Variants in OCA2 observed in about 807,000 individuals in gnomAD.
OCA2 encodes the protein P protein.
A neutral mutation model predicts 100.2 loss-of-function variants in OCA2; 77 were observed. That is an observed-to-expected ratio of 0.77 (90% CI 0.64 to 0.93). OCA2 has a LOEUF of 0.93. OCA2 is among the 40% of genes least tolerant of loss of function. The pLI, the probability that OCA2 is intolerant of heterozygous loss-of-function variation, is 0.00. For synonymous variants in OCA2, 432 were observed against 439.2 expected (o/e 0.98, Z 0.21); for missense variants, 1,062 against 1,089.1 (o/e 0.98, Z 0.35).
intron 23 of OCA2, among the ~76,000 whole-genome samples, chr15:27,799,260 C>G: frequency 6.6e-6 from 1 of 152,228 alleles, no homozygotes; most frequent in East Asian, 1.9e-4. Context: ...AGGCACTGTT[C>G]TAGCCCTGGG....
chr15:27,802,792 A>G (rs995072684), intron 23 of OCA2, among the ~76,000 whole-genome samples: 2 of 152,208 alleles, frequency 1.3e-5, no homozygotes, highest in Non-Finnish European at 2.9e-5. Flanking sequence ...ACAGACCTCA[A>G]TGTAAAACCT....
At chr15:27,824,615 T>TATATATAC (rs1454164189) in intron 23 of OCA2, among the ~76,000 whole-genome samples, 1 of 128,624 alleles carries the variant, frequency 7.8e-6, no homozygotes, top group South Asian at 2.5e-4. Flanking sequence ...TATATATATA[T>TATATATAC]ATATATAATA....
At chr15:27,972,605 G>C (rs1269271287) in intron 14 of OCA2, among the ~76,000 whole-genome samples, 1 of 151,992 alleles carries the variant, frequency 6.6e-6, no homozygotes, top group Non-Finnish European at 1.5e-5. Context: ...CTGATGATTA[G>C]TGATGTTCAG....
intron 19 of OCA2, among the ~76,000 whole-genome samples, chr15:27,879,357 T>C (rs111415300): frequency 0.016 from 2,370 of 152,226 alleles, 56 homozygotes; most frequent in African/African-American, 0.05. Flanking sequence ...TTATATTCCT[T>C]TGGGTATATA....
the OCA2 span, among the ~76,000 whole-genome samples, chr15:27,749,773 A>G: frequency 1.3e-5 from 2 of 152,226 alleles, no homozygotes; most frequent in African/African-American, 2.4e-5. Flanking sequence ...TATAAATCTA[A>G]CAAAACTTGT....
chr15:27,806,588 C>T (rs368267804), intron 23 of OCA2, among the ~76,000 whole-genome samples: 13 of 152,228 alleles, frequency 8.5e-5, no homozygotes, highest in African/African-American at 2.7e-4. Context: ...TCCACCCGTG[C>T]CCTTGGCTTC....
At chr15:27,795,464 G>A (rs1303148929) in intron 23 of OCA2, among the ~76,000 whole-genome samples, 1 of 151,678 alleles carries the variant, frequency 6.6e-6, no homozygotes, top group African/African-American at 2.4e-5. Context: ...CTCCTTGAAT[G>A]CTCTCTCCCT....
chr15:27,917,641 G>A (rs2038714572), intron 19 of OCA2, among the ~76,000 whole-genome samples: 1 of 152,168 alleles, frequency 6.6e-6, no homozygotes, highest in African/African-American at 2.4e-5. Flanking sequence ...TAAGCTTGAT[G>A]ATGATGGTCA....
At chr15:27,734,259 C>T in the OCA2 span, among the ~76,000 whole-genome samples, 4 of 131,536 alleles carry the variant, frequency 3.0e-5, no homozygotes, top group African/African-American at 1.1e-4. Flanking sequence ...GAACAACTAT[C>T]CATGCACAAA....
the OCA2 span, among the ~76,000 whole-genome samples, chr15:27,730,759 A>G: frequency 1.1e-4 from 8 of 71,972 alleles, no homozygotes; most frequent in Non-Finnish European, 1.3e-4. Context: ...ATATATATAT[A>G]TATATATATA....
At chr15:28,042,439 C>T (rs1322784828) in intron 2 of OCA2, among the ~76,000 whole-genome samples, 1 of 128,394 alleles carries the variant, frequency 7.8e-6, no homozygotes, top group African/African-American at 2.9e-5. Context: ...CCAGCCTGGC[C>T]AACATGAGGA....
chr15:27,943,223 C>T (rs1235474057), intron 18 of OCA2, among the ~76,000 whole-genome samples: 1 of 152,154 alleles, frequency 6.6e-6, no homozygotes, highest in African/African-American at 2.4e-5. Flanking sequence ...TGAAGGGGGT[C>T]AGCCGTGCCT....
intron 2 of OCA2, among the ~76,000 whole-genome samples, chr15:28,049,609 C>G (rs573478180): frequency 6.6e-6 from 1 of 152,222 alleles, no homozygotes; most frequent in African/African-American, 2.4e-5. Flanking sequence ...TATATACACA[C>G]AATGAAACAT....
chr15:27,844,268 T>C (rs1002783312), intron 23 of OCA2, among the ~76,000 whole-genome samples: 3 of 152,164 alleles, frequency 2.0e-5, no homozygotes, highest in Admixed American at 6.5e-5. Flanking sequence ...GGGACGCCAC[T>C]GCCAGGCTGC....
At chr15:27,782,545 T>C (rs558688657) in intron 23 of OCA2, among the ~76,000 whole-genome samples, 2 of 152,378 alleles carry the variant, frequency 1.3e-5, no homozygotes, top group Non-Finnish European at 2.9e-5. Flanking sequence ...CTTATTTTAC[T>C]GGCAGTCATC....
chr15:27,814,937 T>G (rs944218298), intron 23 of OCA2, among the ~76,000 whole-genome samples: 8 of 118,010 alleles, frequency 6.8e-5, no homozygotes, highest in Admixed American at 3.3e-4. Flanking sequence ...GATAGATAGA[T>G]AGATAGATAC....
intron 23 of OCA2, among the ~76,000 whole-genome samples, chr15:27,824,600 C>CTATATATA (rs1167846788): frequency 5.2e-5 from 2 of 38,512 alleles, no homozygotes; most frequent in Admixed American, 3.4e-4. Flanking sequence ...CTCTCTCTCT[C>CTATATATA]TCTATATATA....
intron 2 of OCA2, among the ~76,000 whole-genome samples, chr15:28,035,589 A>G (rs1249595550): frequency 6.6e-6 from 1 of 152,236 alleles, no homozygotes; most frequent in Non-Finnish European, 1.5e-5. Context: ...TTTGACTTCA[A>G]TAAGGTAGAA....
chr15:28,039,474 G>A (rs112285996), intron 2 of OCA2, among the ~76,000 whole-genome samples: 26 of 152,260 alleles, frequency 1.7e-4, no homozygotes, highest in African/African-American at 6.3e-4. Flanking sequence ...GAATGAACTG[G>A]AAATCAATAA....
Sources: gnomAD v4.1 joint callset for allele counts (sites outside exome capture counted in the v4.1 genomes callset) on GRCh38, gnomAD v4.1.1 for gene constraint, MANE v1.5 for transcripts, NCBI Gene and HGNC (gene_info 2026-07-23, HGNC 2026-07-21) for gene names.